Variants in SULT1A1 observed in about 807,000 individuals in gnomAD.
SULT1A1 encodes sulfotransferase family 1A member 1.
Under a neutral mutation model 36.8 loss-of-function variants are expected in SULT1A1, and 35 were observed. The observed-to-expected ratio is 0.95, with a 90% confidence interval of 0.73 to 1.26. The LOEUF (loss-of-function observed/expected upper bound fraction) is 1.26. Ranked by LOEUF, SULT1A1 falls within the 50% of genes most tolerant of loss-of-function variation. SULT1A1 has a pLI of 0.00. For missense variants in SULT1A1, 309 were observed against 383.0 expected, an observed-to-expected ratio of 0.81 and a Z score of 1.61; for synonymous variants, 119 against 146.0, an observed-to-expected ratio of 0.82 and a Z score of 1.33.
Position 28,605,607 on chromosome 16 carries a change from T to C in SULT1A1, c.*214A>G, listed in dbSNP as rs1441988457. ...TTTTATTCTCTTTTTAAAAATTGGT[T>C]TTATTTTATTTTATTTTTTTAACAG... On this transcript the variant is annotated 3_prime_UTR_variant, in exon 8 of 8. Coordinates refer to ENST00000314752, the MANE Select transcript of SULT1A1 (RefSeq NM_001055.4). 2.9e-5 allele frequency: 24 copies of C among 814,182 alleles called. No homozygotes were observed. Among genetic ancestry groups the C allele is most frequent in the Non-Finnish European group, 3.6e-5 (19 of 525,042 alleles). 50.4% of individuals were successfully genotyped at this position (814,182 alleles called of 1,614,324 possible).
At chr16:28,617,178 G>A (rs1164576152) in intron 2 of SULT1A1, among the ~76,000 whole-genome samples, 1 of 151,952 alleles carries the variant, frequency 6.6e-6, no homozygotes, top group Non-Finnish European at 1.5e-5. Context: ...ACCATGACCA[G>A]CTCATTTTTG....
intron 2 of SULT1A1, among the ~76,000 whole-genome samples, chr16:28,617,284 A>G (rs2047564456): frequency 6.6e-6 from 1 of 152,058 alleles, no homozygotes; most frequent in South Asian, 2.1e-4. Context: ...CCAAAGTGCT[A>G]GCATTACAGG....
chr16:28,621,506 AAAG>A (rs1555485635), intron 1 of SULT1A1, among the ~76,000 whole-genome samples: 58 of 42,460 alleles, frequency 1.4e-3, no homozygotes, highest in South Asian at 2.2e-3. Flanking sequence ...AAAAAAAAAA[AAAG>A]AAGAAGAAGA....
upstream of SULT1A1, chr16:28,610,539 A>C (rs1264210837): frequency 3.5e-6 from 1 of 283,794 alleles, no homozygotes; most frequent in African/African-American, 2.2e-5. Context: ...CCACAAGGCC[A>C]GTCTAGAGGG....
upstream of SULT1A1, chr16:28,611,272 A>G (rs2047443666): frequency 6.6e-6 from 1 of 152,088 alleles, no homozygotes. Flanking sequence ...TCACATGAGG[A>G]GAAGAAGGAA....
chr16:28,620,257 C>G (rs2047625441), intron 1 of SULT1A1: 3 of 909,388 alleles, frequency 3.3e-6, no homozygotes, highest in Non-Finnish European at 5.0e-6. Flanking sequence ...ATATGACCCT[C>G]TGATCCTACA....
At chr16:28,609,037 T>C (rs2151696557) in intron 1 of SULT1A1, 178 bp from the exon 2 acceptor site, 3 of 1,495,496 alleles carry the variant, frequency 2.0e-6, no homozygotes, top group Non-Finnish European at 2.7e-6. Context: ...TCTAATGCGG[T>C]GGTTCCCCAG....
Position 28,605,684 on chromosome 16 carries a change from C to T in SULT1A1, c.*137G>A. On this transcript the variant is annotated 3_prime_UTR_variant, in exon 8 of 8. Transcript: ENST00000314752. ...CTCGAACTCCTGGGCTCAAATGATC[C>T]TCCCACCTCAGCCTCCAAATTGCTG... 1 of 1,451,058 alleles carries T rather than the reference C, an allele frequency of 6.9e-7. No individual in the cohort carries two copies. The highest frequency in any genetic ancestry group is 1.2e-5 in the South Asian group (1 of 82,674). The allele number at this position is 1,451,058 out of a possible 1,614,324, so 89.9% of individuals were successfully genotyped here.
chr16:28,620,227 AC>A, intron 1 of SULT1A1: 2 of 1,179,482 alleles, frequency 1.7e-6, no homozygotes, highest in Non-Finnish European at 2.5e-6. Flanking sequence ...ATGCAAAGTA[AC>A]CATCACTATC....
At chr16:28,621,284 C>A (rs1026656380) in intron 1 of SULT1A1, among the ~76,000 whole-genome samples, 1 of 151,482 alleles carries the variant, frequency 6.6e-6, no homozygotes, top group Non-Finnish European at 1.5e-5. Context: ...GAGTTCGAGA[C>A]GACCCTGGCA....
Position 28,621,424 on chromosome 16 carries a change from T to C in SULT1A1, c.68-1291A>G, listed in dbSNP as rs114374027. On this transcript the variant is annotated intron_variant, in intron 1 of 5. Transcript: ENST00000350842. The stretch of plus-strand genomic sequence containing the variant: ...TTGAACCTGAAGATGGAGGTTTCAA[T>C]GAGCTGAGATCAGGCCACTGCACAC... Among the ~76,000 whole-genome samples the C allele has an allele frequency of 5.5e-3, 684 of 125,138 alleles. 3 individuals are homozygous for C. The highest frequency in any genetic ancestry group is 0.021 in the African/African-American group (662 of 31,548). 82.1% of individuals were successfully genotyped at this position (125,138 alleles called of 152,430 possible).
At chr16:28,619,972 G>T in intron 2 of SULT1A1, 2 of 1,143,208 alleles carry the variant, frequency 1.7e-6, no homozygotes, top group Non-Finnish European at 2.5e-6. Flanking sequence ...GATTGTATAT[G>T]TATATATATT....
At chr16:28,609,196 G>C (rs2925634) in intron 1 of SULT1A1, 172,545 of 1,317,946 alleles carry the variant, frequency 0.13, 14,840 homozygotes, top group South Asian at 0.22. Context: ...CACTGAGGAA[G>C]CTCTAGGACC....
At chr16:28,610,335 G>T, upstream of SULT1A1, 1 of 697,610 alleles carries the variant, frequency 1.4e-6, no homozygotes, top group Non-Finnish European at 1.9e-6. Context: ...ACTCCACCCT[G>T]CCAGGCAGCC....
intron 2 of SULT1A1, among the ~76,000 whole-genome samples, chr16:28,616,303 T>C (rs1004850034): frequency 3.3e-5 from 5 of 152,242 alleles, no homozygotes; most frequent in Non-Finnish European, 7.3e-5. Context: ...ATATCTGGTA[T>C]AACTATTCTT....
rs372451952 is a variant in SULT1A1, at chr16:28,608,830, C to A, written c.26G>T (p.Arg9Leu). 1.2e-6 allele frequency: 2 copies of A among 1,611,588 alleles called. No homozygotes were observed. The highest frequency in any genetic ancestry group is 1.7e-5 in the Admixed American group (1 of 59,930). MELIQDTS[R>L]PPLEYVKGVP... is the part of the protein sequence containing the mutation. ...CCCCTTCACGTACTCCAGTGGCGGG[C>A]GGGAGGTGTCCTGGATCAGCTCCAT... Residue 9 changes from arginine (R) to leucine (L), a missense_variant, in exon 2 of 8, where the codon CGC becomes CTC. Arg to Leu is a moderately radical substitution (Grantham distance 102). Transcript: ENST00000314752.
chr16:28,606,951 C>G lies in SULT1A1; in HGVS notation c.499G>C (p.Val167Leu). 2 of 1,612,524 alleles carry G rather than the reference C, an allele frequency of 1.2e-6. No homozygotes were observed. The change falls in exon 5 of 8, where the codon GTG becomes CTG. Residue 167 changes from valine (V) to leucine (L), a missense_variant and splice_region_variant. Coordinates refer to ENST00000314752, the MANE Select transcript of SULT1A1 (RefSeq NM_001055.4). The part of the protein sequence containing the change: ...SFLEKFMVGE[V>L]SYGSWYQHVQ... Reference sequence around the variant, plus strand: ...CTTTCCTTCCTCCCATCAAACCCACCTTCTCCGACCATGAACTTCTCCAGG... The same window carrying G: ...CTTTCCTTCCTCCCATCAAACCCACGTTCTCCGACCATGAACTTCTCCAGG...
In SULT1A1 at chr16:28,608,895, C is replaced by T. The variant is rs760039997; in HGVS notation, c.-4-36G>A. On this transcript the variant is annotated intron_variant, in intron 1 of 7. Transcript: ENST00000314752. ...GGCCAGAGCCAGGCCCGTTCCCTTA[C>T]CACCATCACAACAGCAAGAAAGTGG... is the stretch of plus-strand genomic sequence containing the variant. 9 of 1,611,178 alleles carry T rather than the reference C, an allele frequency of 5.6e-6. No individual in the cohort carries two copies. In the East Asian group the frequency reaches 1.3e-4, roughly 24 times the overall value.
chr16:28,618,586 C>T (rs2047592034), intron 2 of SULT1A1, among the ~76,000 whole-genome samples: 1 of 151,998 alleles, frequency 6.6e-6, no homozygotes, highest in Non-Finnish European at 1.5e-5. Flanking sequence ...CCTTGTGATC[C>T]ACCCGCCTCC....
Sources: gnomAD v4.1 joint callset for allele counts (sites outside exome capture counted in the v4.1 genomes callset) on GRCh38, gnomAD v4.1.1 for gene constraint, MANE v1.5 for transcripts, NCBI Gene and HGNC (gene_info 2026-07-23, HGNC 2026-07-21) for gene names.